The following PPP2R2C variants were observed in gnomAD, a reference collection of about 807,000 sequenced individuals.
PPP2R2C encodes protein phosphatase 2, regulatory subunit B, gamma.
A neutral mutation model predicts 45.3 loss-of-function variants in PPP2R2C; 10 were observed. The observed-to-expected ratio is 0.22, with a 90% CI of 0.14 to 0.37. PPP2R2C has a LOEUF of 0.37. Among genes scored for constraint, PPP2R2C ranks in the 10% least tolerant of loss-of-function variants. The probability of loss-of-function intolerance (pLI) is 1.00; values close to 1 mark genes in which losing one functional copy is unlikely to be tolerated. For synonymous variants in PPP2R2C, 257 were observed against 245.4 expected (o/e 1.05, Z -0.44); for missense variants, 308 against 619.7 (o/e 0.50, Z 5.34).
chr4:6,330,260 C>T lies in PPP2R2C; in HGVS notation c.961-907G>A, dbSNP rs916911759. On this transcript the variant is annotated intron_variant, in intron 7 of 8. Coordinates refer to ENST00000382599, the MANE Select transcript of PPP2R2C (RefSeq NM_020416.4). This position sits in a 1 kb window ranked among gnomAD's most constrained non-coding sequence, Gnocchi z 7.0. ...GGGCACGGGCTCTGCCCTCTGGGTG[C>T]GGAAGGGAAGGTAACTGGGTGCCAT... 2.0e-5 allele frequency among the ~76,000 whole-genome samples: 3 copies of T among 152,130 alleles called. No homozygotes were observed. The highest frequency in any genetic ancestry group is 1.5e-5 in the Non-Finnish European group (1 of 68,022).
chr4:6,494,866 G>A (rs936270904), intron 2 of PPP2R2C, among the ~76,000 whole-genome samples: 1 of 152,240 alleles, frequency 6.6e-6, no homozygotes, highest in Admixed American at 6.5e-5. Context: ...TGAGTAAAAG[G>A]GTTTTATTCA....
chr4:6,474,760 T>C (rs376939596), upstream of PPP2R2C, among the ~76,000 whole-genome samples: 5 of 125,236 alleles, frequency 4.0e-5, no homozygotes, highest in African/African-American at 1.5e-4. Flanking sequence ...AAGCAGTGTC[T>C]GGGCTCCTCC....
Position 6,332,188 on chromosome 4 carries a change from G to A in PPP2R2C, c.960+1374C>T, listed in dbSNP as rs373154816. Among the ~76,000 whole-genome samples the A allele has an allele frequency of 3.9e-5, 6 of 152,192 alleles. No individual in the cohort carries two copies. Among genetic ancestry groups the A allele is most frequent in the African/African-American group, 1.4e-4 (6 of 41,448 alleles). On this transcript the variant is annotated intron_variant, in intron 7 of 8. Transcript: ENST00000382599. This position sits in a 1 kb window ranked among gnomAD's most constrained non-coding sequence, Gnocchi z 4.9. ...GGATGGAGGTAAGTGACCGGACAAG[G>A]GGCCGGAGGGGGTTGGAAATGTTCA...
Position 6,329,203 on chromosome 4 carries a change from C to A in PPP2R2C, c.1052+59G>T. Reference sequence around the variant, plus strand: ...GTCACCGGAATCCCAGCCCAGACCCCTGCAGGGCAGAAACCCTCCCTACGG... The same window carrying A: ...GTCACCGGAATCCCAGCCCAGACCCATGCAGGGCAGAAACCCTCCCTACGG... On this transcript the variant is annotated intron_variant, in intron 8 of 8. Transcript: ENST00000382599. The surrounding 1 kb of genome is among the most constrained non-coding windows in gnomAD (Gnocchi z 5.8). The A allele has an allele frequency of 6.5e-7, 1 of 1,529,542 alleles. No individual in the cohort carries two copies. The highest frequency in any genetic ancestry group is 9.0e-7 in the Non-Finnish European group (1 of 1,108,864). The allele number at this position is 1,529,542 out of a possible 1,614,324, so 94.7% of individuals were successfully genotyped here. A position where few individuals can be genotyped will look rare whatever the true frequency, so the allele number is the denominator to read the frequency against.
intron 5 of PPP2R2C, among the ~76,000 whole-genome samples, chr4:6,357,816 G>A (rs1031190416): frequency 1.3e-5 from 2 of 152,176 alleles, no homozygotes; most frequent in Non-Finnish European, 2.9e-5. Flanking sequence ...GCAAAGCGGG[G>A]TTTCTTCCAC....
At chr4:6,396,409 A>G (rs1211960011) in intron 1 of PPP2R2C, among the ~76,000 whole-genome samples, 2 of 152,238 alleles carry the variant, frequency 1.3e-5, no homozygotes, top group Non-Finnish European at 2.9e-5. Flanking sequence ...ACAGAGGCAC[A>G]TTCAGCAGGG....
chr4:6,558,510 C>T (rs1725485651), intron 1 of PPP2R2C, among the ~76,000 whole-genome samples: 3 of 152,286 alleles, frequency 2.0e-5, no homozygotes, highest in East Asian at 1.9e-4. Flanking sequence ...GCCACCTGTG[C>T]TCAGCCTCCT....
Position 6,440,185 on chromosome 4 carries a change from C to T in PPP2R2C, c.70+31975G>A, listed in dbSNP as rs185165208. 7.9e-4 allele frequency among the ~76,000 whole-genome samples: 121 copies of T among 152,338 alleles called. 1 individual carries two copies. The highest frequency in any genetic ancestry group is 2.6e-3 in the Admixed American group (40 of 15,294). On this transcript the variant is annotated intron_variant, in intron 1 of 8. Transcript: ENST00000382599. ...CATAGGGACCAAGCCATCTCTAGAT[C>T]CCCAAGGCCTGGCATGGAATCAGCA...
intron 5 of PPP2R2C, among the ~76,000 whole-genome samples, chr4:6,351,968 T>A (rs1471066298): frequency 2.0e-5 from 3 of 152,124 alleles, no homozygotes; most frequent in Admixed American, 2.0e-4. Flanking sequence ...CTGTTGGTGC[T>A]CCCTCAATCC....
intron 5 of PPP2R2C, chr4:6,349,636 C>G (rs547320363): frequency 2.1e-5 from 20 of 940,652 alleles, no homozygotes; most frequent in Non-Finnish European, 2.5e-5. Flanking sequence ...GTCAGGAGAT[C>G]GAGACCATTC....
At chr4:6,335,202 T>C (rs1732750621) in intron 6 of PPP2R2C, among the ~76,000 whole-genome samples, 1 of 152,154 alleles carries the variant, frequency 6.6e-6, no homozygotes. Flanking sequence ...TCCTTGCAGA[T>C]ACAGACAATA....
At chr4:6,413,887 C>CA (rs1718372403) in intron 1 of PPP2R2C, 3 of 1,536,096 alleles carry the variant, frequency 2.0e-6, no homozygotes, top group Non-Finnish European at 1.7e-6. Flanking sequence ...CATGATGCCC[C>CA]ACAGCCCCTG....
Position 6,443,367 on chromosome 4 carries a change from C to T in PPP2R2C, c.70+28793G>A, listed in dbSNP as rs35785303. The stretch of plus-strand genomic sequence containing the variant: ...GGCAAAGCGCACTTTAGGATACACA[C>T]AGGGTGCGCTCCAGAGGCAGGGTGC... On this transcript the variant is annotated intron_variant, in intron 1 of 8. Coordinates refer to ENST00000382599, the MANE Select transcript of PPP2R2C (RefSeq NM_020416.4). Among the ~76,000 whole-genome samples the T allele has an allele frequency of 4.0e-3, 612 of 152,362 alleles. 1 individual carries two copies. The highest frequency in any genetic ancestry group is 0.027 in the Middle Eastern group (8 of 294).
chr4:6,520,624 C>T (rs1336068218), intron 2 of PPP2R2C, among the ~76,000 whole-genome samples: 1 of 152,234 alleles, frequency 6.6e-6, no homozygotes, highest in Non-Finnish European at 1.5e-5. Flanking sequence ...ATGGCATGAG[C>T]TTCGCAGCTC....
At chr4:6,383,461 G>C (rs1484009031) in intron 1 of PPP2R2C, 1 of 1,284,174 alleles carries the variant, frequency 7.8e-7, no homozygotes, top group Non-Finnish European at 1.0e-6. Context: ...CCAAACACCA[G>C]GCTCCTTGCC....
chr4:6,371,467 G>T (rs1714823368), intron 5 of PPP2R2C, among the ~76,000 whole-genome samples: 1 of 152,242 alleles, frequency 6.6e-6, no homozygotes, highest in Non-Finnish European at 1.5e-5. Context: ...ACTGCTGGGT[G>T]CCCAGGCTGC....
At position 6,472,113 on chromosome 4, in the gene PPP2R2C, C is replaced by G. The variant is rs1721930602; in HGVS notation, c.70+47G>C. The G allele has an allele frequency of 1.9e-6, 3 of 1,611,710 alleles. No individual in the cohort carries two copies. In the East Asian group the frequency reaches 6.7e-5, roughly 36 times the overall value. On this transcript the variant is annotated intron_variant, in intron 1 of 8. Coordinates refer to ENST00000382599, the MANE Select transcript of PPP2R2C (RefSeq NM_020416.4). ...GGAGGGCATTCGGTGCGACGGCATCCCCACGCCGCGGCCGGCCGGAGGGGT... is the reference window on the plus strand; with the variant it reads ...GGAGGGCATTCGGTGCGACGGCATCGCCACGCCGCGGCCGGCCGGAGGGGT...
In PPP2R2C at chr4:6,333,568, G is replaced by T; in HGVS notation, c.954C>A (p.Thr318=). Residue 318 remains threonine, a synonymous_variant, in exon 7 of 9, where the codon ACC becomes ACA. Coordinates refer to ENST00000382599, the MANE Select transcript of PPP2R2C (RefSeq NM_020416.4). The part of the protein sequence containing the change: ...DLNMEARPIE[T]YQVHDYLRSK... ...CTCCTGCTGTGGTGCCCACCTGGTA[G>T]GTCTCTATGGGTCTTGCCTCCATGT... 6.2e-7 allele frequency: 1 copy of T among 1,613,434 alleles called. No individual in the cohort carries two copies. Among genetic ancestry groups the T allele is most frequent in the Non-Finnish European group, 8.5e-7 (1 of 1,179,464 alleles).
chr4:6,426,034 T>G (rs1719279741), intron 1 of PPP2R2C, among the ~76,000 whole-genome samples: 1 of 152,140 alleles, frequency 6.6e-6, no homozygotes, highest in African/African-American at 2.4e-5. Flanking sequence ...CCCTCATGGC[T>G]CTGATCCCCC....
Sources: allele counts gnomAD v4.1 joint callset (sites outside exome capture counted in the v4.1 genomes callset), GRCh38; gene constraint gnomAD v4.1.1; non-coding constraint Gnocchi (gnomAD v3.1); transcripts MANE v1.5; gene names NCBI Gene and HGNC (gene_info 2026-07-23, HGNC 2026-07-21).